Variants in NPAS2 observed in about 807,000 individuals in gnomAD.
The protein encoded by NPAS2 is neuronal PAS domain protein 2.
In NPAS2, 23 loss-of-function variants were observed where a neutral mutation model predicts 107.5. That is an observed-to-expected ratio of 0.21 (90% CI 0.15 to 0.30). The LOEUF is 0.30. NPAS2 is among the 10% of genes least tolerant of loss of function. NPAS2 has a pLI of 1.00. For missense variants in NPAS2, 756 were observed against 1,043.3 expected, an observed-to-expected ratio of 0.72 and a Z score of 3.79; for synonymous variants, 403 against 417.5, an observed-to-expected ratio of 0.97 and a Z score of 0.42.
chr2:100,903,526 G>A (rs373711160), intron 1 of NPAS2, among the ~76,000 whole-genome samples: 3 of 152,314 alleles, frequency 2.0e-5, no homozygotes, highest in East Asian at 3.9e-4. Context: ...TGAGCTCAGA[G>A]AAAGATTGAT....
intron 1 of NPAS2, among the ~76,000 whole-genome samples, chr2:100,826,139 A>G (rs895943238): frequency 1.3e-5 from 2 of 152,210 alleles, no homozygotes; most frequent in African/African-American, 4.8e-5. Flanking sequence ...ATACACACAC[A>G]TATGTACACT....
Position 100,937,973 on chromosome 2 carries a change from C to T in NPAS2, c.363+131C>T, listed in dbSNP as rs1210817668. 3 of 788,926 alleles carry T rather than the reference C, an allele frequency of 3.8e-6. No homozygotes were observed. In the African/African-American group the frequency reaches 5.1e-5, roughly 13 times the overall value. 48.9% of individuals were successfully genotyped at this position (788,926 alleles called of 1,614,324 possible). The stretch of plus-strand genomic sequence containing the variant: ...TGAGAAGAGGGCGGAGAGTAAAGGA[C>T]TGCTGAGTTTTGGGGACAGGACCAG... On this transcript the variant is annotated intron_variant, in intron 5 of 20. Transcript: ENST00000335681.
chr2:100,925,511 A>G (rs1683503661), intron 3 of NPAS2, among the ~76,000 whole-genome samples: 1 of 152,170 alleles, frequency 6.6e-6, no homozygotes, highest in Admixed American at 6.5e-5. Context: ...TATAAGCCAG[A>G]CGAGAGAATC....
rs1278506838 is a variant in NPAS2 at position 100,850,035 on chromosome 2, AAAGC to A, written c.-23+29625_-23+29628del. Among the ~76,000 whole-genome samples, 38 of 130,598 alleles carry A rather than the reference AAAGC, an allele frequency of 2.9e-4. 1 individual carries two copies. The highest frequency in any genetic ancestry group is 6.2e-4 in the African/African-American group (21 of 34,014). 85.7% of individuals were successfully genotyped at this position (130,598 alleles called of 152,430 possible). A position where few individuals can be genotyped will look rare whatever the true frequency, so the allele number is the denominator to read the frequency against. On this transcript the variant is annotated intron_variant, in intron 1 of 20. Coordinates refer to ENST00000335681, the MANE Select transcript of NPAS2 (RefSeq NM_002518.4). ...GTAAAAAAAAAAAAAAAAAAAAAAA[AAAGC>A]AAGAGAAAATAGAAAAAAAAATTTG...
chr2:100,971,836 A>G (rs944847777), intron 12 of NPAS2, among the ~76,000 whole-genome samples: 2 of 152,092 alleles, frequency 1.3e-5, no homozygotes, highest in South Asian at 4.1e-4. Context: ...GTCCATTCTT[A>G]AAGCAGACAC....
Position 100,820,540 on chromosome 2 carries a change from G to C in NPAS2, c.-23+126G>C, listed in dbSNP as rs1378341146. On this transcript the variant is annotated intron_variant, in intron 1 of 20. Coordinates refer to ENST00000335681, the MANE Select transcript of NPAS2 (RefSeq NM_002518.4). The surrounding 1 kb of genome is among the most constrained non-coding windows in gnomAD (Gnocchi z 5.6). ...CGGGGGCGGAGGGGCGCTCAGGCGC[G>C]AGGCTGCGCGGCACCGGGGACCCCG... is the stretch of plus-strand genomic sequence containing the variant. 1 of 152,294 alleles carries C rather than the reference G, an allele frequency of 6.6e-6. No homozygotes were observed. Among genetic ancestry groups the C allele is most frequent in the East Asian group, 2.0e-4 (1 of 5,100 alleles). The allele number at this position is 152,294 out of a possible 1,614,324, so 9.4% of individuals were successfully genotyped here.
chr2:100,850,529 G>A (rs759139425), intron 1 of NPAS2, among the ~76,000 whole-genome samples: 9 of 152,210 alleles, frequency 5.9e-5, no homozygotes, highest in Non-Finnish European at 1.2e-4. Flanking sequence ...TTACAGGGCT[G>A]TACATCCAAG....
intron 4 of NPAS2, among the ~76,000 whole-genome samples, chr2:100,934,375 G>A (rs893394969): frequency 2.0e-5 from 3 of 150,602 alleles, no homozygotes; most frequent in African/African-American, 4.9e-5. Context: ...TAGGGCTTTT[G>A]TAAAGTTAAA....
intron 3 of NPAS2, among the ~76,000 whole-genome samples, chr2:100,929,290 G>A (rs1391163969): frequency 6.6e-6 from 1 of 152,186 alleles, no homozygotes; most frequent in Non-Finnish European, 1.5e-5. Flanking sequence ...CCAGGAAAAT[G>A]TGGAATCTAA....
chr2:100,877,732 A>G (rs1680073231), intron 1 of NPAS2, among the ~76,000 whole-genome samples: 1 of 152,116 alleles, frequency 6.6e-6, no homozygotes, highest in Admixed American at 6.5e-5. Context: ...TCATTGGTCA[A>G]TTGAATATGG....
At chr2:100,938,439 C>T (rs911808340) in intron 5 of NPAS2, among the ~76,000 whole-genome samples, 9 of 152,014 alleles carry the variant, frequency 5.9e-5, no homozygotes, top group East Asian at 1.9e-4. Context: ...CAGAAGTGCA[C>T]GATGGAAGCT....
At chr2:100,951,363 A>G (rs1465432605) in intron 7 of NPAS2, among the ~76,000 whole-genome samples, 1 of 152,228 alleles carries the variant, frequency 6.6e-6, no homozygotes, top group Non-Finnish European at 1.5e-5. Flanking sequence ...GAAGACAGGA[A>G]CTTGAGAGAT....
In NPAS2 at chr2:100,990,387, C is replaced by T. The variant is rs756436845; in HGVS notation, c.1959C>T (p.Thr653=). ...PSLNLTTPAS[T]SQDASQCQPS... The stretch of plus-strand genomic sequence containing the variant: ...TGAATCTGACCACACCTGCTTCCAC[C>T]TCCCAGGATGCCAGCCAGTGCCAGC... The change falls in exon 18 of 21, where the codon ACC becomes ACT. Residue 653 remains threonine, a synonymous_variant. Coordinates refer to ENST00000335681, the MANE Select transcript of NPAS2 (RefSeq NM_002518.4). The T allele has an allele frequency of 1.8e-5, 29 of 1,614,110 alleles. No individual in the cohort carries two copies. The highest frequency in any genetic ancestry group is 5.0e-5 in the Admixed American group (3 of 60,010).
At chr2:100,901,411 T>G (rs538159512) in intron 1 of NPAS2, 192 of 427,984 alleles carry the variant, frequency 4.5e-4, no homozygotes, top group African/African-American at 3.8e-3. Flanking sequence ...GATTTCAAAC[T>G]GGGGGGGATG....
At chr2:100,824,235 G>A (rs1205226121) in intron 1 of NPAS2, among the ~76,000 whole-genome samples, 2 of 152,306 alleles carry the variant, frequency 1.3e-5, no homozygotes, top group Admixed American at 6.5e-5. Flanking sequence ...GTGGAGAACC[G>A]GGCCAGGGCT....
chr2:100,992,030 T>C (rs909739879), intron 19 of NPAS2, among the ~76,000 whole-genome samples: 1 of 152,224 alleles, frequency 6.6e-6, no homozygotes, highest in African/African-American at 2.4e-5. Context: ...GGGAGCCATC[T>C]GTAAAGTTCC....
At chr2:100,859,005 C>T (rs952627272) in intron 1 of NPAS2, among the ~76,000 whole-genome samples, 1 of 152,250 alleles carries the variant, frequency 6.6e-6, no homozygotes, top group African/African-American at 2.4e-5. Context: ...TGGCTCACGC[C>T]TGTAATCCCA....
chr2:100,979,502 A>ATAT (rs1403246843), intron 15 of NPAS2, among the ~76,000 whole-genome samples: 17 of 43,338 alleles, frequency 3.9e-4, no homozygotes, highest in Non-Finnish European at 4.6e-4. Context: ...ATATATATAT[A>ATAT]TTTTTTTTTT....
chr2:100,904,711 A>ATTTT lies in NPAS2; in HGVS notation c.-22-8_-22-5dup, dbSNP rs57350721. 3.6e-4 allele frequency: 453 copies of ATTTT among 1,267,742 alleles called. No individual in the cohort carries two copies. In the African/African-American group the frequency reaches 3.9e-3, roughly 11 times the overall value. The allele number at this position is 1,267,742 out of a possible 1,614,324, so 78.5% of individuals were successfully genotyped here. A position where few individuals can be genotyped will look rare whatever the true frequency, so the allele number is the denominator to read the frequency against. ...AGACAGTAATTATCCATTCTTTTTA[A>ATTTT]TTTTTTTTTTTTTTTTTGCAGGAAA... On this transcript the variant is annotated intron_variant, in intron 1 of 20. Transcript: ENST00000335681.
Sources: gnomAD v4.1 joint callset for allele counts (sites outside exome capture counted in the v4.1 genomes callset) on GRCh38, gnomAD v4.1.1 for gene constraint, Gnocchi (gnomAD v3.1) non-coding constraint, MANE v1.5 for transcripts, NCBI Gene and HGNC (gene_info 2026-07-23, HGNC 2026-07-21) for gene names.